TPRG1L: variants seen among roughly 807,000 people sequenced by gnomAD.
The protein encoded by TPRG1L is tumor protein p63 regulated 1 like.
In TPRG1L, 25 loss-of-function variants were observed where a neutral mutation model predicts 29.4. The ratio of observed to expected loss-of-function variants is 0.85; its 90% CI spans 0.62 to 1.19. TPRG1L has a LOEUF of 1.19. Among genes scored for constraint, TPRG1L ranks in the 50% most tolerant of loss-of-function variants. The pLI, the probability that TPRG1L is intolerant of heterozygous loss-of-function variation, is 0.00. For synonymous variants in TPRG1L, 182 were observed against 151.1 expected (o/e 1.20, Z -1.50); for missense variants, 354 against 364.4 (o/e 0.97, Z 0.23).
intron 4 of TPRG1L, 151 bp from the exon 5 acceptor site, chr1:3,628,258 G>A: frequency 1.5e-6 from 1 of 658,904 alleles, no homozygotes; most frequent in Non-Finnish European, 2.6e-6. Flanking sequence ...AGACCCCCAG[G>A]ATGTGGCAGA....
rs1644473856 is a variant in TPRG1L at position 3,625,168 on chromosome 1, C to A, written c.96C>A (p.Gly32=). ...AGGTGGGGGCAGGCGGCGGCCCGGG[C>A]GGGGGGCGGCCGGGGGCGGGGACGC... is the stretch of plus-strand genomic sequence containing the variant. The part of the protein sequence containing the change: ...GEEVGAGGGP[G]GGRPGAGTPL... Residue 32 remains glycine (G), a synonymous_variant, in exon 1 of 5, where the codon GGC becomes GGA. Coordinates refer to ENST00000378344, the MANE Select transcript of TPRG1L (RefSeq NM_182752.4). 8.2e-7 allele frequency: 1 copy of A among 1,226,564 alleles called. No homozygotes were observed. The highest frequency in any genetic ancestry group is 1.6e-5 in the African/African-American group (1 of 62,010). The allele number at this position is 1,226,564 out of a possible 1,614,324, so 76.0% of individuals were successfully genotyped here.
intron 3 of TPRG1L, among the ~76,000 whole-genome samples, chr1:3,626,754 T>C (rs572897205): frequency 5.9e-4 from 90 of 152,076 alleles, no homozygotes; most frequent in African/African-American, 2.1e-3. Context: ...AATTTTTGTA[T>C]TTTTTGTAGA....
chr1:3,625,034 G>A lies in TPRG1L; in HGVS notation c.-39G>A. Reference sequence around the variant, plus strand: ...GGCGGTGGCTGCGGCGACGGCGGTCGCGTCGGCGTCAGGGTCGGGGTCGGT... The same window carrying A: ...GGCGGTGGCTGCGGCGACGGCGGTCACGTCGGCGTCAGGGTCGGGGTCGGT... On this transcript the variant is annotated 5_prime_UTR_variant, in exon 1 of 5. Transcript: ENST00000378344. 8.4e-7 allele frequency: 1 copy of A among 1,189,326 alleles called. No individual in the cohort carries two copies. 73.7% of individuals were successfully genotyped at this position (1,189,326 alleles called of 1,614,324 possible). A position where few individuals can be genotyped will look rare whatever the true frequency, so the allele number is the denominator to read the frequency against.
At chr1:3,625,387 A>G in intron 1 of TPRG1L, 37 bp from the exon 2 acceptor site, 1 of 1,554,290 alleles carries the variant, frequency 6.4e-7, no homozygotes, top group African/African-American at 1.4e-5. Flanking sequence ...GTGACCTGTG[A>G]TCTTTGCCCC....
chr1:3,625,886 A>G lies in TPRG1L; in HGVS notation c.467A>G (p.Asn156Ser), dbSNP rs750279310. ...GEFQFPPKSL[N>S]KREGFGIRIQ... is the part of the protein sequence containing the mutation. ...TTCCAGTTTCCCCCTAAATCGCTCA[A>G]CAAGTAAGCCTGTTCAGAGTCCAGT... Residue 156 changes from asparagine (N) to serine (S), a missense_variant, in exon 3 of 5, where the codon AAC (asparagine) becomes AGC (serine). Coordinates refer to ENST00000378344, the MANE Select transcript of TPRG1L (RefSeq NM_182752.4). The G allele has an allele frequency of 1.2e-5, 20 of 1,610,128 alleles. No homozygotes were observed. In the South Asian group the frequency reaches 2.1e-4, roughly 17 times the overall value.
rs903216951 is a variant in TPRG1L at position 3,625,199 on chromosome 1, C to T, written c.127C>T (p.Arg43Cys). ...GGRPGAGTPL[R>C]QTLWPLSIHD... ...GCGGCCGGGGGCGGGGACGCCGCTG[C>T]GCCAGACACTCTGGCCTCTCAGCAT... The change falls in exon 1 of 5, where the codon CGC becomes TGC. Residue 43 changes from arginine to cysteine, a missense_variant. Arg to Cys is a radical substitution (Grantham distance 180). Coordinates refer to ENST00000378344, the MANE Select transcript of TPRG1L (RefSeq NM_182752.4). 9 of 1,295,360 alleles carry T rather than the reference C, an allele frequency of 6.9e-6. No homozygotes were observed. The African/African-American group carries it at 1.4e-4, about 20-fold the overall frequency. 80.2% of individuals were successfully genotyped at this position (1,295,360 alleles called of 1,614,324 possible). A position where few individuals can be genotyped will look rare whatever the true frequency, so the allele number is the denominator to read the frequency against.
intron 2 of TPRG1L, 68 bp from the exon 3 acceptor site, chr1:3,625,645 C>A (rs991686438): frequency 1.0e-5 from 16 of 1,573,022 alleles, no homozygotes; most frequent in East Asian, 2.3e-5. Context: ...CCCTTCCAGG[C>A]GGGCTGGCCT....
chr1:3,628,358 C>CA (rs1368804594), intron 4 of TPRG1L, 51 bp from the exon 5 acceptor site: 6 of 1,473,396 alleles, frequency 4.1e-6, no homozygotes, highest in Non-Finnish European at 5.5e-6. Context: ...AAGTAATAGA[C>CA]ATTCTTATCT....
chr1:3,625,613 GCGCCCCGTGC>G (rs1302398384), intron 2 of TPRG1L, 90 bp from the exon 3 acceptor site: 2 of 1,559,146 alleles, frequency 1.3e-6, no homozygotes, highest in East Asian at 4.6e-5. Context: ...CCACGCTCAG[GCGCCCCGTGC>G]CGCCCCTGCT....
In TPRG1L at chr1:3,627,543, CG is replaced by C. The variant is rs1557449236; in HGVS notation, c.515del (p.Arg172LeufsTer5). 6.2e-7 allele frequency: 1 copy of C among 1,614,080 alleles called. No individual in the cohort carries two copies. Among genetic ancestry groups the C allele is most frequent in the Middle Eastern group, 1.6e-4 (1 of 6,062 alleles). On this transcript the variant is annotated frameshift_variant, in exon 4 of 5. Transcript: ENST00000378344. LOFTEE classifies it high-confidence loss of function. ...TCGAATTCAGTGGGACAAGCAAAGT[CG>C]TCCTTCCTTCATAAACAGATGGAAT... Reference protein sequence around the residue: ...GIRIQWDKQSRPSFINRWNPW... With the variant: ...GIRIQWDKQSXPSFINRWNPW...
At position 3,625,244 on chromosome 1, in the gene TPRG1L, G is replaced by A. The variant is rs981867431; in HGVS notation, c.172G>A (p.Ala58Thr). 106 of 1,362,260 alleles carry A rather than the reference G, an allele frequency of 7.8e-5. No homozygotes were observed. The highest frequency in any genetic ancestry group is 9.6e-5 in the Non-Finnish European group (102 of 1,063,226). 84.4% of individuals were successfully genotyped at this position (1,362,260 alleles called of 1,614,324 possible). A position where few individuals can be genotyped will look rare whatever the true frequency, so the allele number is the denominator to read the frequency against. ...PLSIHDPTRRARVKEYFVFRP... is the reference protein window; with the variant it reads ...PLSIHDPTRRTRVKEYFVFRP... ...CAGCATCCACGACCCCACGCGCCGCGCCCGCGTCAAGGAGTACTTCGTGTT... is the reference window on the plus strand; with the variant it reads ...CAGCATCCACGACCCCACGCGCCGCACCCGCGTCAAGGAGTACTTCGTGTT... Residue 58 changes from alanine (A) to threonine (T), a missense_variant, in exon 1 of 5, where the codon GCC (alanine) becomes ACC (threonine). By Grantham distance (58) the Ala-to-Thr change is moderately conservative (BLOSUM62 0). Transcript: ENST00000378344.
In TPRG1L at chr1:3,625,410, C is replaced by A. The variant is rs558048558; in HGVS notation, c.202-14C>A. 2 of 1,577,494 alleles carry A rather than the reference C, an allele frequency of 1.3e-6. No homozygotes were observed. The highest frequency in any genetic ancestry group is 2.7e-5 in the African/African-American group (2 of 74,686). ...TGATCTTTGCCCCCGTCCCCCACCC[C>A]GCAACCCGCCCAGCCCGGCAGCATC... On this transcript the variant is annotated splice_polypyrimidine_tract_variant and intron_variant, in intron 1 of 4. Transcript: ENST00000378344.
intron 3 of TPRG1L, 72 bp downstream of exon 3, chr1:3,625,961 A>C: frequency 2.1e-6 from 3 of 1,421,216 alleles, no homozygotes; most frequent in Non-Finnish European, 2.8e-6. Context: ...GCCCTTTTAA[A>C]TCAGCCCCCC....
At position 3,625,725 on chromosome 1, in the gene TPRG1L, G is replaced by A. The variant is rs761075237; in HGVS notation, c.306G>A (p.Trp102Ter). 2 of 1,612,764 alleles carry A rather than the reference G, an allele frequency of 1.2e-6. No individual in the cohort carries two copies. Among genetic ancestry groups the A allele is most frequent in the East Asian group, 2.2e-5 (1 of 44,878 alleles). Reference protein sequence around the residue: ...GVWLLTEVDHWNNEKERLVLV... With the variant: ...GVWLLTEVDH ...CCTCTGCCTACAGGGTGGATCACTG[G>A]AACAATGAGAAGGAGCGGCTGGTGC... The change falls in exon 3 of 5, where the codon TGG (tryptophan) becomes TGA (stop). Residue 102 changes from tryptophan (W) to a stop codon, truncating the protein, a stop_gained. Transcript: ENST00000378344. LOFTEE classifies it high-confidence loss of function.
intron 3 of TPRG1L, 108 bp from the exon 4 acceptor site, chr1:3,627,392 C>A: frequency 8.0e-7 from 1 of 1,247,350 alleles, no homozygotes; most frequent in Non-Finnish European, 1.1e-6. Flanking sequence ...TTTCTGTAAA[C>A]GTGTGCTTTT....
At position 3,625,017 on chromosome 1, in the gene TPRG1L, C is replaced by G; in HGVS notation, c.-56C>G. 1.7e-6 allele frequency: 2 copies of G among 1,175,070 alleles called. No individual in the cohort carries two copies. Among genetic ancestry groups the G allele is most frequent in the South Asian group, 4.2e-5 (1 of 23,666 alleles). The allele number at this position is 1,175,070 out of a possible 1,614,324, so 72.8% of individuals were successfully genotyped here. ...GGGCGCGGCCGGGTGGTGGCGGTGG[C>G]TGCGGCGACGGCGGTCGCGTCGGCG... On this transcript the variant is annotated 5_prime_UTR_variant, in exon 1 of 5. Coordinates refer to ENST00000378344, the MANE Select transcript of TPRG1L (RefSeq NM_182752.4).
intron 3 of TPRG1L, among the ~76,000 whole-genome samples, chr1:3,626,787 C>T (rs1644492619): frequency 6.6e-6 from 1 of 152,006 alleles, no homozygotes; most frequent in East Asian, 1.9e-4. Context: ...CTAGGTTGCC[C>T]AGGCTGTTCT....
rs1644510111 is a variant in TPRG1L at position 3,629,440 on chromosome 1, TATCAGGCCAGC to T, written c.*840_*850del. The stretch of plus-strand genomic sequence containing the variant: ...TAATGCACTTTAAAACAAGGAACCG[TATCAGGCCAGC>T]ATGGTGGCTCATGCCTGTAATCCCA... On this transcript the variant is annotated 3_prime_UTR_variant, in exon 5 of 5. Transcript: ENST00000378344. The T allele has an allele frequency of 6.6e-6, 1 of 152,252 alleles. No homozygotes were observed. The highest frequency in any genetic ancestry group is 6.5e-5 in the Admixed American group (1 of 15,288). The allele number at this position is 152,252 out of a possible 1,614,324, so 9.4% of individuals were successfully genotyped here.
intron 3 of TPRG1L, among the ~76,000 whole-genome samples, chr1:3,626,332 G>T (rs1056906146): frequency 6.6e-6 from 1 of 152,138 alleles, no homozygotes; most frequent in Non-Finnish European, 1.5e-5. Flanking sequence ...AGACAAATTT[G>T]GAAATATTTA....
Sources: allele counts gnomAD v4.1 joint callset (sites outside exome capture counted in the v4.1 genomes callset), GRCh38; gene constraint gnomAD v4.1.1; transcripts MANE v1.5; gene names NCBI Gene and HGNC (gene_info 2026-07-23, HGNC 2026-07-21).